RMDN3: variants seen among roughly 807,000 people sequenced by gnomAD.
RMDN3 encodes the protein regulator of microtubule dynamics 3, also known as regulator of microtubule dynamics protein 3.
RMDN3 carries 41 observed loss-of-function variants against 61.8 expected under a neutral mutation model. The observed-to-expected ratio is 0.66, with a 90% CI of 0.52 to 0.86. RMDN3 has a LOEUF of 0.86. RMDN3 is among the 40% of genes least tolerant of loss of function. The pLI is 0.00. For missense variants in RMDN3, 557 were observed against 585.3 expected, an observed-to-expected ratio of 0.95 and a Z score of 0.50; for synonymous variants, 247 against 232.0, an observed-to-expected ratio of 1.06 and a Z score of -0.59.
intron 6 of RMDN3, 34 bp from the exon 7 acceptor site, chr15:40,740,227 G>T (rs778817431): frequency 4.2e-6 from 6 of 1,431,776 alleles, no homozygotes; most frequent in Non-Finnish European, 4.9e-6. Context: ...AGTTGACATA[G>T]CTCTTATGCA....
At position 40,751,575 on chromosome 15, in the gene RMDN3, A is replaced by G; in HGVS notation, c.381-6T>C. On this transcript the variant is annotated splice_region_variant and splice_polypyrimidine_tract_variant and intron_variant, in intron 3 of 12. Coordinates refer to ENST00000338376, the MANE Select transcript of RMDN3 (RefSeq NM_018145.3). ...GGTTCTCTTCCATGTGGCATCTGGA[A>G]AGCAGGCCCCATCCCGAAGGGTACC... 6.2e-7 allele frequency: 1 copy of G among 1,614,178 alleles called. No homozygotes were observed. Among genetic ancestry groups the G allele is most frequent in the Non-Finnish European group, 8.5e-7 (1 of 1,180,036 alleles).
chr15:40,749,188 C>A (rs1167536679), intron 4 of RMDN3, among the ~76,000 whole-genome samples: 1 of 152,234 alleles, frequency 6.6e-6, no homozygotes, highest in African/African-American at 2.4e-5. Flanking sequence ...CAGGCCTGAG[C>A]CACCGCGCCT....
At chr15:40,741,243 C>T (rs574501500) in intron 6 of RMDN3, among the ~76,000 whole-genome samples, 320 of 152,142 alleles carry the variant, frequency 2.1e-3, no homozygotes, top group Admixed American at 6.1e-3. Context: ...TACATTGGCT[C>T]ACACCTGTAA....
chr15:40,744,296 C>G (rs543325334), intron 5 of RMDN3, 147 bp from the exon 6 acceptor site: 76 of 659,406 alleles, frequency 1.2e-4, no homozygotes, highest in African/African-American at 1.1e-3. Context: ...ACGCAGCCTT[C>G]CCCCCAGTCA....
rs553773972 is a variant in RMDN3 at position 40,747,309 on chromosome 15, C to G, written c.525-2050G>C. On this transcript the variant is annotated intron_variant, in intron 4 of 12. Coordinates refer to ENST00000338376, the MANE Select transcript of RMDN3 (RefSeq NM_018145.3). ...CTGCCATCCCTCTGGATCCTAAAGG[C>G]CCAGCTCACAAAGCCAAGAAGAGAG... 7.2e-5 allele frequency among the ~76,000 whole-genome samples: 11 copies of G among 152,302 alleles called. No individual in the cohort carries two copies. The East Asian group carries it at 2.1e-3, about 29-fold the overall frequency.
chr15:40,749,524 C>CAAAACA (rs1321301329), intron 4 of RMDN3, among the ~76,000 whole-genome samples: 1 of 152,096 alleles, frequency 6.6e-6, no homozygotes, highest in African/African-American at 2.4e-5. Flanking sequence ...CAAAACAAAA[C>CAAAACA]AAAACAAAAA....
In RMDN3 at chr15:40,736,599, G is replaced by A; in HGVS notation, c.1360-5C>T. ...GTCCTTCTGGATAGCCAAATCCTAGGGAGACAAAGAACAAATCTAGGGCTC... is the reference window on the plus strand; with the variant it reads ...GTCCTTCTGGATAGCCAAATCCTAGAGAGACAAAGAACAAATCTAGGGCTC... On this transcript the variant is annotated splice_polypyrimidine_tract_variant and splice_region_variant and intron_variant, in intron 12 of 12. Coordinates refer to ENST00000338376, the MANE Select transcript of RMDN3 (RefSeq NM_018145.3). 4 of 1,613,636 alleles carry A rather than the reference G, an allele frequency of 2.5e-6. No homozygotes were observed. The highest frequency in any genetic ancestry group is 2.2e-5 in the East Asian group (1 of 44,866).
At chr15:40,737,382 T>C in intron 10 of RMDN3, 41 bp from the exon 11 acceptor site, 1 of 1,572,050 alleles carries the variant, frequency 6.4e-7, no homozygotes, top group Non-Finnish European at 8.8e-7. Context: ...GAGGTTCCTA[T>C]ATTCTAATCA....
chr15:40,744,004 G>GA, intron 6 of RMDN3, 43 bp downstream of exon 6: 1 of 1,545,286 alleles, frequency 6.5e-7, no homozygotes, highest in African/African-American at 1.4e-5. Flanking sequence ...CCCCACCCCT[G>GA]AATCAGTCAG....
intron 6 of RMDN3, among the ~76,000 whole-genome samples, chr15:40,743,595 C>T (rs769788976): frequency 4.6e-5 from 7 of 152,144 alleles, no homozygotes; most frequent in Non-Finnish European, 8.8e-5. Flanking sequence ...GTCAGATGCA[C>T]CCTATCCTCC....
intron 8 of RMDN3, 71 bp downstream of exon 8, chr15:40,738,430 G>A (rs935820317): frequency 3.3e-6 from 5 of 1,498,678 alleles, no homozygotes; most frequent in African/African-American, 2.8e-5. Context: ...AAAGTTTTTG[G>A]CAGGGAGCTG....
chr15:40,741,620 A>ATTTTTTTTTTTTTTTTTTTTTTT lies in RMDN3; in HGVS notation c.911-1450_911-1428dup, dbSNP rs553262858. Among the ~76,000 whole-genome samples, 31 of 71,732 alleles carry ATTTTTTTTTTTTTTTTTTTTTTT rather than the reference A, an allele frequency of 4.3e-4. 6 individuals carry two copies. The highest frequency in any genetic ancestry group is 1.9e-3 in the East Asian group (3 of 1,606). 47.1% of individuals were successfully genotyped at this position (71,732 alleles called of 152,430 possible). ...ACTGGAGAAGACACTGCAACATAGGATTTTTTTTTTTTTTTTTTTTTTTTT... is the reference window on the plus strand; with the variant it reads ...ACTGGAGAAGACACTGCAACATAGGATTTTTTTTTTTTTTTTTTTTTTTTTTTTTTTTTTTTTTTTTTTTTTTT... On this transcript the variant is annotated intron_variant, in intron 6 of 12. Transcript: ENST00000338376.
intron 4 of RMDN3, 64 bp from the exon 5 acceptor site, chr15:40,745,323 A>G: frequency 6.6e-7 from 1 of 1,522,090 alleles, no homozygotes; most frequent in Non-Finnish European, 8.9e-7. Context: ...GGGTCTGTCT[A>G]TCCCTCACCC....
intron 2 of RMDN3, among the ~76,000 whole-genome samples, chr15:40,753,328 A>T (rs1357835135): frequency 6.6e-6 from 1 of 152,144 alleles, no homozygotes; most frequent in Non-Finnish European, 1.5e-5. Context: ...CCTGGCCAAC[A>T]TGGGGAAACC....
intron 5 of RMDN3, 65 bp downstream of exon 5, chr15:40,744,912 G>C: frequency 2.7e-6 from 4 of 1,481,610 alleles, no homozygotes; most frequent in Non-Finnish European, 2.7e-6. Flanking sequence ...CATTCCCCAG[G>C]GGTCAGGAAC....
chr15:40,737,949 C>T lies in RMDN3; in HGVS notation c.1125+16G>A. On this transcript the variant is annotated intron_variant, in intron 9 of 12. Coordinates refer to ENST00000338376, the MANE Select transcript of RMDN3 (RefSeq NM_018145.3). ...GCATTTAGGACCATTATGTCAAGCA[C>T]TGAAACGCAGCTTACCTGATAGCAC... is the stretch of plus-strand genomic sequence containing the variant. 1.9e-6 allele frequency: 3 copies of T among 1,613,870 alleles called. No homozygotes were observed. Among genetic ancestry groups the T allele is most frequent in the Middle Eastern group, 1.6e-4 (1 of 6,062 alleles).
Position 40,751,521 on chromosome 15 carries a change from C to T in RMDN3, c.429G>A (p.Pro143=), listed in dbSNP as rs7171451. Residue 143 remains proline (P), a synonymous_variant, in exon 4 of 13, where the codon CCG becomes CCA. Transcript: ENST00000338376. Reference sequence around the variant, plus strand: ...TGGAGTCACTCCTCTCCCGGACAAACGGAAACCTTCGCCGCCGAGCCACTC... The same window carrying T: ...TGGAGTCACTCCTCTCCCGGACAAATGGAAACCTTCGCCGCCGAGCCACTC... ...NQRVARRRRF[P]FVRERSDSTG... is the part of the protein sequence containing the mutation. 4.7e-3 allele frequency: 7,666 copies of T among 1,614,114 alleles called. 328 individuals carry two copies. In the African/African-American group the frequency reaches 0.092, roughly 19 times the overall value.
In RMDN3 at chr15:40,754,648, T is replaced by C; in HGVS notation, c.136A>G (p.Ser46Gly). Residue 46 changes from serine to glycine, a missense_variant, in exon 2 of 13, where the codon AGC becomes GGC. By Grantham distance (56) the Ser-to-Gly change is moderately conservative (BLOSUM62 0). Coordinates refer to ENST00000338376, the MANE Select transcript of RMDN3 (RefSeq NM_018145.3). ...GTATAGTCCAGGGAGTTGGGCAGGC[T>C]CTGGCTGCGGCCATGACGCTGGGTC... Reference protein sequence around the residue: ...KRTQRHGRSQSLPNSLDYTQT... With the variant: ...KRTQRHGRSQGLPNSLDYTQT... 1 of 1,614,158 alleles carries C rather than the reference T, an allele frequency of 6.2e-7. No homozygotes were observed. The highest frequency in any genetic ancestry group is 8.5e-7 in the Non-Finnish European group (1 of 1,180,012).
At chr15:40,737,428 A>T in intron 10 of RMDN3, 87 bp from the exon 11 acceptor site, 1 of 1,327,272 alleles carries the variant, frequency 7.5e-7, no homozygotes, top group Non-Finnish European at 1.1e-6. Context: ...CTAGTCCCCA[A>T]CCATGTGGCT....
Sources: allele counts gnomAD v4.1 joint callset (sites outside exome capture counted in the v4.1 genomes callset), GRCh38; gene constraint gnomAD v4.1.1; transcripts MANE v1.5; gene names NCBI Gene and HGNC (gene_info 2026-07-23, HGNC 2026-07-21).